The following ZNF143 variants were observed in gnomAD, a reference collection of about 807,000 sequenced individuals.
ZNF143 encodes the protein SPH-binding factor.
A neutral mutation model predicts 74.1 loss-of-function variants in ZNF143; 49 were observed. The ratio of observed to expected loss-of-function variants is 0.66; its 90% confidence interval spans 0.53 to 0.84. ZNF143 has a LOEUF of 0.84. Among genes scored for constraint, ZNF143 ranks in the 40% least tolerant of loss-of-function variants. The pLI is 0.00. For synonymous variants in ZNF143, 304 were observed against 282.8 expected (o/e 1.07, Z -0.75); for missense variants, 637 against 793.4 (o/e 0.80, Z 2.37).
intron 1 of ZNF143, among the ~76,000 whole-genome samples, chr11:9,466,919 A>G (rs1407986816): frequency 6.6e-6 from 1 of 151,264 alleles, no homozygotes; most frequent in Non-Finnish European, 1.5e-5. Flanking sequence ...TTTGACACAG[A>G]GTCTCTCTGT....
chr11:9,491,959 T>G (rs889742461), intron 7 of ZNF143, among the ~76,000 whole-genome samples: 1 of 152,144 alleles, frequency 6.6e-6, no homozygotes, highest in Non-Finnish European at 1.5e-5. Flanking sequence ...TATTTGTTTG[T>G]TTAAAATGGA....
At chr11:9,483,168 ATT>A in intron 7 of ZNF143, among the ~76,000 whole-genome samples, 1 of 145,434 alleles carries the variant, frequency 6.9e-6, no homozygotes, top group Middle Eastern at 3.8e-3. Context: ...TAATTTTTGT[ATT>A]TTTAGTAGAG....
chr11:9,516,284 C>A lies in ZNF143; in HGVS notation c.1608C>A (p.Pro536=). 1 of 1,614,050 alleles carries A rather than the reference C, an allele frequency of 6.2e-7. No individual in the cohort carries two copies. Among genetic ancestry groups the A allele is most frequent in the African/African-American group, 1.3e-5 (1 of 75,052 alleles). Residue 536 remains proline (P), a synonymous_variant, in exon 14 of 16, where the codon CCC becomes CCA. Coordinates refer to ENST00000396602, the MANE Select transcript of ZNF143 (RefSeq NM_003442.6). ...AGGATGGCACGCCCATCACAGTCCCCGCCCATGATGCAGTCATCTCCTCAG... is the reference window on the plus strand; with the variant it reads ...AGGATGGCACGCCCATCACAGTCCCAGCCCATGATGCAGTCATCTCCTCAG... ...VTQDGTPITV[P]AHDAVISSAG...
intron 12 of ZNF143, among the ~76,000 whole-genome samples, chr11:9,510,375 C>G (rs1341177008): frequency 6.6e-6 from 1 of 152,036 alleles, no homozygotes; most frequent in African/African-American, 2.4e-5. Flanking sequence ...CCGCCCACCT[C>G]GGCCTCCCAA....
At chr11:9,493,478 C>CTT (rs1458939528) in intron 7 of ZNF143, among the ~76,000 whole-genome samples, 4 of 152,234 alleles carry the variant, frequency 2.6e-5, no homozygotes, top group African/African-American at 9.6e-5. Flanking sequence ...AAATAAATAG[C>CTT]TTGTAATTTA....
rs1849177624 is a variant in ZNF143 at position 9,527,656 on chromosome 11, C to T, written c.*43C>T. On this transcript the variant is annotated 3_prime_UTR_variant, in exon 16 of 16. Transcript: ENST00000396602. ...CAATAAAGCAGAAGGAGTCTTTCAT[C>T]TTCTGGCAGCAGAAATCCATGAAGC... 6.3e-7 allele frequency: 1 copy of T among 1,578,156 alleles called. No individual in the cohort carries two copies. The highest frequency in any genetic ancestry group is 8.7e-7 in the Non-Finnish European group (1 of 1,149,080).
At chr11:9,476,744 A>ATTT (rs1465968655) in intron 5 of ZNF143, among the ~76,000 whole-genome samples, 7 of 45,976 alleles carry the variant, frequency 1.5e-4, no homozygotes, top group African/African-American at 3.8e-4. Context: ...AAAGGGAGGA[A>ATTT]TCTTTTTTTT....
intron 1 of ZNF143, among the ~76,000 whole-genome samples, chr11:9,463,104 A>G (rs1403746183): frequency 2.0e-5 from 3 of 152,146 alleles, no homozygotes; most frequent in African/African-American, 2.4e-5. Flanking sequence ...ATGTTATAAC[A>G]TGTGTCAATA....
At chr11:9,508,498 G>A in intron 11 of ZNF143, 121 bp from the exon 12 acceptor site, 1 of 799,000 alleles carries the variant, frequency 1.3e-6, no homozygotes, top group Non-Finnish European at 2.0e-6. Context: ...CCTCATGGTG[G>A]GATGAGGAGG....
intron 14 of ZNF143, among the ~76,000 whole-genome samples, chr11:9,520,141 A>C (rs975265213): frequency 7.2e-5 from 10 of 138,508 alleles, no homozygotes; most frequent in Non-Finnish European, 1.5e-4. Context: ...GGTTCAAGTG[A>C]TTCTCCTGCC....
chr11:9,506,586 C>A (rs532757334), intron 11 of ZNF143, among the ~76,000 whole-genome samples: 1 of 152,156 alleles, frequency 6.6e-6, no homozygotes, highest in Non-Finnish European at 1.5e-5. Context: ...GGGTGAGGCC[C>A]AGGCATCAGG....
At chr11:9,493,549 C>T (rs1198148921) in intron 7 of ZNF143, among the ~76,000 whole-genome samples, 1 of 152,040 alleles carries the variant, frequency 6.6e-6, no homozygotes, top group Non-Finnish European at 1.5e-5. Flanking sequence ...AAGGAAAAGT[C>T]AAAGTCTTTC....
Position 9,472,758 on chromosome 11 carries a change from A to T in ZNF143, c.194A>T (p.His65Leu). The change falls in exon 3 of 16, where the codon CAC becomes CTC. Residue 65 changes from histidine (H) to leucine (L), a missense_variant. By Grantham distance (99) the His-to-Leu change is moderately conservative. This residue lies in a region of ZNF143 where 293 missense variants were observed against 307.8 expected (regional missense o/e 0.95). Transcript: ENST00000396602. ...GATGGTTCTACTGCTTACATACAAC[A>T]CAATTCTAAAGGTATGTGCCTCACA... is the stretch of plus-strand genomic sequence containing the variant. ...LADGSTAYIQ[H>L]NSKDAKLIDG... The T allele has an allele frequency of 6.3e-7, 1 of 1,583,160 alleles. No homozygotes were observed. The highest frequency in any genetic ancestry group is 8.6e-7 in the Non-Finnish European group (1 of 1,168,416).
At chr11:9,513,812 T>C (rs545281747) in intron 13 of ZNF143, among the ~76,000 whole-genome samples, 5 of 152,290 alleles carry the variant, frequency 3.3e-5, no homozygotes, top group African/African-American at 1.2e-4. Context: ...GGAGGATCAC[T>C]TGCACCCAGG....
chr11:9,523,058 C>T (rs1848994772), intron 14 of ZNF143, among the ~76,000 whole-genome samples: 1 of 152,202 alleles, frequency 6.6e-6, no homozygotes, highest in Non-Finnish European at 1.5e-5. Context: ...CGTGAGCCAT[C>T]ATGCCTGGCT....
chr11:9,518,666 G>A (rs1458331156), intron 14 of ZNF143, among the ~76,000 whole-genome samples: 1 of 150,844 alleles, frequency 6.6e-6, no homozygotes, highest in African/African-American at 2.4e-5. Flanking sequence ...GCAGTCAGCC[G>A]AGATTGCACC....
At chr11:9,517,935 A>G (rs1408210266) in intron 14 of ZNF143, among the ~76,000 whole-genome samples, 1 of 152,242 alleles carries the variant, frequency 6.6e-6, no homozygotes, top group East Asian at 1.9e-4. Flanking sequence ...TAAGAAAAAG[A>G]TCAGACAACC....
intron 14 of ZNF143, among the ~76,000 whole-genome samples, chr11:9,520,428 T>C (rs1441355580): frequency 6.7e-6 from 1 of 149,306 alleles, no homozygotes; most frequent in East Asian, 2.0e-4. Flanking sequence ...GCCCAGGAGG[T>C]TGAGGCTTTG....
In ZNF143 at chr11:9,521,561, GT is replaced by G. The variant is rs146660105; in HGVS notation, c.1687-3670del. Among the ~76,000 whole-genome samples, 752 of 148,610 alleles carry G rather than the reference GT, an allele frequency of 5.1e-3. 5 individuals are homozygous for G. The highest frequency in any genetic ancestry group is 0.016 in the African/African-American group (658 of 40,330). On this transcript the variant is annotated intron_variant, in intron 14 of 15. Transcript: ENST00000396602. ...TGCCCAGAGTTTTCTTTTTGCGGAG[GT>G]TTTTTTTTGTTTTTTTTTTGTTGTT...
Sources: allele counts gnomAD v4.1 joint callset (sites outside exome capture counted in the v4.1 genomes callset), GRCh38; gene constraint gnomAD v4.1.1; regional missense constraint gnomAD v4.1.1; transcripts MANE v1.5; gene names NCBI Gene and HGNC (gene_info 2026-07-23, HGNC 2026-07-21).